Variants in PTPRT observed in about 807,000 individuals in gnomAD.
PTPRT encodes protein tyrosine phosphatase receptor type T.
A neutral mutation model predicts 176.8 loss-of-function variants in PTPRT; 56 were observed. The ratio of observed to expected loss-of-function variants is 0.32; its 90% CI spans 0.26 to 0.40. PTPRT has a LOEUF of 0.40. PTPRT is among the 10% of genes least tolerant of loss of function. The pLI is 1.00. For synonymous variants in PTPRT, 783 were observed against 739.0 expected (o/e 1.06, Z -0.96); for missense variants, 1,540 against 1,908.2 (o/e 0.81, Z 3.60).
In PTPRT at chr20:42,106,775, C is replaced by G. The variant is rs1293197820; in HGVS notation, c.3390+11G>C. 5 of 1,612,732 alleles carry G rather than the reference C, an allele frequency of 3.1e-6. No homozygotes were observed. Among genetic ancestry groups the G allele is most frequent in the Non-Finnish European group, 4.2e-6 (5 of 1,179,272 alleles). On this transcript the variant is annotated intron_variant, in intron 24 of 30. Coordinates refer to ENST00000373187, the MANE Select transcript of PTPRT (RefSeq NM_007050.6). ...ACAGGTGGCCAACTGTCTTGGCCCC[C>G]TAGGACTCACCTCTGTCTGTACCAG...
intron 1 of PTPRT, among the ~76,000 whole-genome samples, chr20:43,060,666 C>T (rs1426447767): frequency 6.6e-6 from 1 of 152,198 alleles, no homozygotes; most frequent in Non-Finnish European, 1.5e-5. Flanking sequence ...AATGTGGCTA[C>T]TAGCACAGTG....
the PTPRT span, among the ~76,000 whole-genome samples, chr20:42,056,261 C>G: frequency 6.6e-6 from 1 of 152,196 alleles, no homozygotes; most frequent in Non-Finnish European, 1.5e-5. Context: ...AATTTCTATT[C>G]AAATAGCCTC....
At chr20:42,186,177 C>A (rs960830836) in intron 16 of PTPRT, among the ~76,000 whole-genome samples, 1 of 151,796 alleles carries the variant, frequency 6.6e-6, no homozygotes, top group African/African-American at 2.4e-5. Context: ...ACATTTCTGT[C>A]AAAGACCAGA....
At chr20:42,143,372 C>T (rs1224923803) in intron 17 of PTPRT, among the ~76,000 whole-genome samples, 4 of 152,078 alleles carry the variant, frequency 2.6e-5, no homozygotes, top group South Asian at 2.1e-4. Flanking sequence ...TGGCTTAACA[C>T]GGTGAAACCC....
intron 2 of PTPRT, among the ~76,000 whole-genome samples, chr20:42,883,168 A>G (rs955933495): frequency 6.6e-6 from 1 of 152,210 alleles, no homozygotes; most frequent in Non-Finnish European, 1.5e-5. Flanking sequence ...TAACATGAAC[A>G]TGCTTATATT....
At chr20:43,123,129 C>T (rs1399552722) in intron 1 of PTPRT, among the ~76,000 whole-genome samples, 2 of 152,212 alleles carry the variant, frequency 1.3e-5, no homozygotes, top group African/African-American at 2.4e-5. Context: ...GCTGGGATTA[C>T]AGGCGTGAGC....
intron 7 of PTPRT, among the ~76,000 whole-genome samples, chr20:42,662,644 T>C (rs991018319): frequency 2.0e-5 from 3 of 152,138 alleles, no homozygotes; most frequent in Non-Finnish European, 4.4e-5. Flanking sequence ...GTCAAGCAAT[T>C]GCCCAAGGCT....
At chr20:43,019,559 C>T (rs936180610) in intron 1 of PTPRT, among the ~76,000 whole-genome samples, 1 of 146,230 alleles carries the variant, frequency 6.8e-6, no homozygotes, top group Non-Finnish European at 1.5e-5. Flanking sequence ...GCGGAGATTG[C>T]AGTGAGCTGA....
intron 2 of PTPRT, among the ~76,000 whole-genome samples, chr20:42,794,198 C>A (rs1279489112): frequency 6.6e-6 from 1 of 152,200 alleles, no homozygotes; most frequent in Non-Finnish European, 1.5e-5. Context: ...CTATGTCTTC[C>A]AGCCTCCCTT....
At chr20:42,577,886 A>C (rs1197150206) in intron 7 of PTPRT, among the ~76,000 whole-genome samples, 1 of 140,322 alleles carries the variant, frequency 7.1e-6, no homozygotes, top group African/African-American at 2.7e-5. Flanking sequence ...TACCCAGTCT[A>C]ACCAAACAAG....
Position 43,123,276 on chromosome 20 carries a change from T to C in PTPRT, c.88+66370A>G, listed in dbSNP as rs899557429. On this transcript the variant is annotated intron_variant, in intron 1 of 30. Transcript: ENST00000373187. ...AGAGTAAAACTGTTCCCTGGCCTGG[T>C]TGACTGCATTTGAGCAAACATGCCC... Among the ~76,000 whole-genome samples the C allele has an allele frequency of 2.6e-5, 4 of 152,244 alleles. No homozygotes were observed. The South Asian group carries it at 6.2e-4, about 24-fold the overall frequency.
intron 6 of PTPRT, among the ~76,000 whole-genome samples, chr20:42,704,413 C>T (rs961123195): frequency 3.3e-5 from 5 of 149,950 alleles, no homozygotes; most frequent in Admixed American, 2.7e-4. Context: ...TGGTCTTTAG[C>T]TGGAAGGCGT....
intron 13 of PTPRT, among the ~76,000 whole-genome samples, chr20:42,253,286 C>T (rs1013194201): frequency 2.6e-5 from 4 of 152,086 alleles, no homozygotes; most frequent in Admixed American, 6.5e-5. Context: ...CAATGTGGTG[C>T]GCTTTCCACA....
intron 7 of PTPRT, among the ~76,000 whole-genome samples, chr20:42,591,085 A>G (rs563485636): frequency 6.6e-6 from 1 of 152,274 alleles, no homozygotes; most frequent in Admixed American, 6.5e-5. Flanking sequence ...AAGAAATCCC[A>G]ATCCACTGAA....
At chr20:43,082,297 C>T (rs902472041) in intron 1 of PTPRT, among the ~76,000 whole-genome samples, 11 of 81,014 alleles carry the variant, frequency 1.4e-4, no homozygotes, top group Non-Finnish European at 2.4e-4. Flanking sequence ...ATTTACTATG[C>T]TTTTTTTATT....
intron 16 of PTPRT, among the ~76,000 whole-genome samples, chr20:42,171,340 A>C (rs1291611890): frequency 6.6e-6 from 1 of 152,216 alleles, no homozygotes; most frequent in Non-Finnish European, 1.5e-5. Flanking sequence ...ATCAAAACAG[A>C]ATGAACTATA....
intron 9 of PTPRT, among the ~76,000 whole-genome samples, chr20:42,383,997 A>G (rs534080381): frequency 2.6e-5 from 4 of 152,334 alleles, no homozygotes; most frequent in African/African-American, 7.2e-5. Context: ...TAGATGGGGT[A>G]GGGACGTAGA....
chr20:42,237,328 C>G (rs560809132), intron 14 of PTPRT, among the ~76,000 whole-genome samples: 1 of 152,278 alleles, frequency 6.6e-6, no homozygotes, highest in East Asian at 1.9e-4. Flanking sequence ...GAGAGGAGTT[C>G]CAACCTTCAG....
intron 2 of PTPRT, among the ~76,000 whole-genome samples, chr20:42,864,780 G>A (rs906909706): frequency 6.6e-6 from 1 of 152,186 alleles, no homozygotes; most frequent in African/African-American, 2.4e-5. Context: ...CAGGAAAGTA[G>A]TCTTTCAATT....
Sources: allele counts gnomAD v4.1 joint callset (sites outside exome capture counted in the v4.1 genomes callset), GRCh38; gene constraint gnomAD v4.1.1; transcripts MANE v1.5; gene names NCBI Gene and HGNC (gene_info 2026-07-23, HGNC 2026-07-21).